Variants in TENM3 observed in about 807,000 individuals in gnomAD.
The protein encoded by TENM3 is teneurin transmembrane protein 3, also known as teneurin-3.
TENM3 carries 63 observed loss-of-function variants against 255.1 expected under a neutral mutation model. The observed-to-expected ratio is 0.25, with a 90% CI of 0.20 to 0.30. The LOEUF (loss-of-function observed/expected upper bound fraction) is 0.30, where lower values mean the gene tolerates loss of function less well. TENM3 is among the 10% of genes least tolerant of loss of function. TENM3 has a pLI of 1.00. For missense variants in TENM3, 2,929 were observed against 3,461.1 expected, an observed-to-expected ratio of 0.85 and a Z score of 3.86; for synonymous variants, 1,306 against 1,322.3, an observed-to-expected ratio of 0.99 and a Z score of 0.27.
chr4:181,687,945 TAATC>T, the TENM3 span, among the ~76,000 whole-genome samples: 2,240 of 152,240 alleles, frequency 0.015, 56 homozygotes, highest in African/African-American at 0.051. Context: ...ATTCGATAAA[TAATC>T]AATAATACTA....
At chr4:182,223,389 AT>A (rs375941717) in intron 1 of TENM3, among the ~76,000 whole-genome samples, 382 of 149,742 alleles carry the variant, frequency 2.6e-3, no homozygotes, top group African/African-American at 6.9e-3. Flanking sequence ...TTTTAATAAC[AT>A]TTTTTTTTTA....
chr4:181,644,093 A>AT, the TENM3 span, among the ~76,000 whole-genome samples: 12 of 151,630 alleles, frequency 7.9e-5, no homozygotes, highest in East Asian at 2.1e-3. Flanking sequence ...AAAAAAAAAA[A>AT]AGTCAAGGGT....
In TENM3 at chr4:182,450,566, C is replaced by T. The variant is rs144134885; in HGVS notation, c.511+103637C>T. On this transcript the variant is annotated intron_variant, in intron 3 of 27. Transcript: ENST00000511685. The stretch of plus-strand genomic sequence containing the variant: ...ACAATGTGATGATGAATTTGAGATC[C>T]GCTATAAAGTATGTTTAATTTAAAG... Among the ~76,000 whole-genome samples, 770 of 152,240 alleles carry T rather than the reference C, an allele frequency of 5.1e-3. 4 individuals carry two copies. The highest frequency in any genetic ancestry group is 0.017 in the African/African-American group (707 of 41,522).
the TENM3 span, among the ~76,000 whole-genome samples, chr4:181,882,671 C>G: frequency 6.6e-6 from 1 of 152,188 alleles, no homozygotes; most frequent in Non-Finnish European, 1.5e-5. Flanking sequence ...CTCCTAAGGT[C>G]TCCTCTAATT....
chr4:181,660,206 T>C, the TENM3 span, among the ~76,000 whole-genome samples: 1 of 152,132 alleles, frequency 6.6e-6, no homozygotes, highest in African/African-American at 2.4e-5. Flanking sequence ...TGAAAGACAA[T>C]TAATATCTGT....
At chr4:181,624,503 T>C in the TENM3 span, among the ~76,000 whole-genome samples, 1 of 152,208 alleles carries the variant, frequency 6.6e-6, no homozygotes, top group African/African-American at 2.4e-5. Flanking sequence ...TGTTCATTTC[T>C]TGTGCTATGT....
chr4:182,218,742 A>G (rs1755664744), intron 1 of TENM3, among the ~76,000 whole-genome samples: 3 of 152,234 alleles, frequency 2.0e-5, no homozygotes. Context: ...CAATTTTCAA[A>G]TATATTGAAA....
At chr4:182,765,113 T>C (rs1763579887) in intron 22 of TENM3, among the ~76,000 whole-genome samples, 3 of 147,592 alleles carry the variant, frequency 2.0e-5, no homozygotes, top group Non-Finnish European at 4.5e-5. Context: ...GAGAGTACCA[T>C]GGCACAGTCT....
At chr4:181,520,139 T>A in the TENM3 span, among the ~76,000 whole-genome samples, 1 of 152,176 alleles carries the variant, frequency 6.6e-6, no homozygotes, top group Admixed American at 6.5e-5. Flanking sequence ...TTTTCAAGCC[T>A]AGCCATCCTT....
intron 4 of TENM3, 111 bp downstream of exon 4, chr4:182,601,272 T>A (rs1747825558): frequency 1.2e-6 from 1 of 857,870 alleles, no homozygotes; most frequent in Non-Finnish European, 1.8e-6. Context: ...GTTGTTGTGT[T>A]TTCTTTTTTC....
intron 1 of TENM3, among the ~76,000 whole-genome samples, chr4:182,295,273 T>C (rs1182178092): frequency 5.4e-5 from 7 of 129,718 alleles, no homozygotes. Flanking sequence ...TTTTTTTTTT[T>C]TTTTTTTTTT....
intron 3 of TENM3, among the ~76,000 whole-genome samples, chr4:182,406,034 G>T (rs1279318613): frequency 1.3e-5 from 2 of 152,166 alleles, no homozygotes; most frequent in African/African-American, 4.8e-5. Context: ...CACTGGGCAT[G>T]GTGGTTCACG....
At chr4:182,222,066 A>G (rs932339958) in intron 1 of TENM3, among the ~76,000 whole-genome samples, 6 of 152,220 alleles carry the variant, frequency 3.9e-5, no homozygotes, top group Non-Finnish European at 7.3e-5. Flanking sequence ...AACCTCCATC[A>G]GCGATTCCAG....
At position 182,789,084 on chromosome 4, in the gene TENM3, T is replaced by G. The variant is rs749947192; in HGVS notation, c.5305-9T>G. The G allele has an allele frequency of 4.9e-5, 79 of 1,597,220 alleles. No homozygotes were observed. In the South Asian group the frequency reaches 7.4e-4, roughly 15 times the overall value. On this transcript the variant is annotated splice_polypyrimidine_tract_variant and intron_variant, in intron 24 of 27. Coordinates refer to ENST00000511685, the MANE Select transcript of TENM3 (RefSeq NM_001080477.4). This position sits in a 1 kb window ranked among gnomAD's most constrained non-coding sequence, Gnocchi z 4.4. ...GATTTATTTTATCATCTTGTTGGTG[T>G]TGTAACAGGTTAATGGCAGAAACCT... is the stretch of plus-strand genomic sequence containing the variant.
the TENM3 span, among the ~76,000 whole-genome samples, chr4:181,839,348 T>C: frequency 7.1e-5 from 1 of 14,138 alleles, no homozygotes; most frequent in Non-Finnish European, 3.5e-4. Flanking sequence ...ATTGAGGGTA[T>C]ATATATATAT....
the TENM3 span, among the ~76,000 whole-genome samples, chr4:181,718,311 C>T: frequency 6.6e-6 from 1 of 152,164 alleles, no homozygotes; most frequent in Admixed American, 6.5e-5. Flanking sequence ...TTGGATCATA[C>T]ACCATGTGTG....
chr4:182,387,820 C>T (rs1271498831), intron 3 of TENM3, among the ~76,000 whole-genome samples: 1 of 151,786 alleles, frequency 6.6e-6, no homozygotes, highest in Non-Finnish European at 1.5e-5. Flanking sequence ...GACGCGCCAC[C>T]TTAAGAGCTG....
At chr4:181,774,995 T>C in the TENM3 span, among the ~76,000 whole-genome samples, 14 of 135,820 alleles carry the variant, frequency 1.0e-4, 1 homozygote, top group Non-Finnish European at 1.4e-4. Flanking sequence ...GTAGTTTCTT[T>C]TGCTGTGCAG....
At chr4:181,612,524 CAGAG>C in the TENM3 span, among the ~76,000 whole-genome samples, 3 of 126,872 alleles carry the variant, frequency 2.4e-5, no homozygotes, top group Non-Finnish European at 3.5e-5. Context: ...GTGTGTGTGT[CAGAG>C]AGAGAGAGAG....
Sources: allele counts gnomAD v4.1 joint callset (sites outside exome capture counted in the v4.1 genomes callset), GRCh38; gene constraint gnomAD v4.1.1; non-coding constraint Gnocchi (gnomAD v3.1); transcripts MANE v1.5; gene names NCBI Gene and HGNC (gene_info 2026-07-23, HGNC 2026-07-21).